PLEKHA8: variants seen among roughly 807,000 people sequenced by gnomAD.
The protein encoded by PLEKHA8 is pleckstrin homology domain containing A8.
In PLEKHA8, 36 loss-of-function variants were observed where a neutral mutation model predicts 68.2. The ratio of observed to expected loss-of-function variants is 0.53; its 90% CI spans 0.40 to 0.70. The LOEUF (loss-of-function observed/expected upper bound fraction) is 0.70. Ranked by LOEUF, PLEKHA8 falls within the 30% of genes least tolerant of loss-of-function variation. The pLI is 0.00. For synonymous variants in PLEKHA8, 211 were observed against 216.1 expected (o/e 0.98, Z 0.20); for missense variants, 505 against 615.4 (o/e 0.82, Z 1.90).
Position 30,078,988 on chromosome 7 carries a change from G to T in PLEKHA8, c.*201G>T. The T allele has an allele frequency of 7.4e-7, 1 of 1,348,448 alleles. No individual in the cohort carries two copies. The allele number at this position is 1,348,448 out of a possible 1,614,324, so 83.5% of individuals were successfully genotyped here. A position where few individuals can be genotyped will look rare whatever the true frequency, so the allele number is the denominator to read the frequency against. ...AAAGATCAAGGTGCTATATATTTCA[G>T]TTCAGCAGGCCTACTGGAAACCAAA... On this transcript the variant is annotated 3_prime_UTR_variant, in exon 14 of 14. Transcript: ENST00000449726.
Position 30,126,863 on chromosome 7 carries a change from T to G in PLEKHA8, c.1363-2403T>G, listed in dbSNP as rs189312360. Among the ~76,000 whole-genome samples the G allele has an allele frequency of 2.3e-3, 353 of 152,306 alleles. 2 individuals are homozygous for G. The highest frequency in any genetic ancestry group is 8.2e-3 in the African/African-American group (340 of 41,562). Reference sequence around the variant, plus strand: ...GGAAAGACTCGCCCCCATGTTTCAATTATCTTCTACTAGGTCCCTCCCACA... The same window carrying G: ...GGAAAGACTCGCCCCCATGTTTCAAGTATCTTCTACTAGGTCCCTCCCACA... On this transcript the variant is annotated intron_variant, in intron 13 of 13. Coordinates refer to the PLEKHA8 transcript ENST00000396257.
chr7:30,066,220 A>C (rs932964017), intron 12 of PLEKHA8, among the ~76,000 whole-genome samples: 1 of 152,224 alleles, frequency 6.6e-6, no homozygotes, highest in Non-Finnish European at 1.5e-5. Flanking sequence ...TGCTTAAGTA[A>C]GGTTTGAGGT....
chr7:30,072,029 T>TG (rs1405550314), intron 12 of PLEKHA8: 1 of 152,258 alleles, frequency 6.6e-6, no homozygotes, highest in Non-Finnish European at 1.5e-5. Flanking sequence ...ATTTCCCTGA[T>TG]GCCATGTCTT....
At chr7:30,045,933 T>G (rs1225600446) in intron 2 of PLEKHA8, among the ~76,000 whole-genome samples, 2 of 152,222 alleles carry the variant, frequency 1.3e-5, no homozygotes, top group Non-Finnish European at 2.9e-5. Flanking sequence ...AAGAGATCAG[T>G]TTAACTGAAA....
chr7:30,082,165 C>T lies in PLEKHA8; in HGVS notation c.*3378C>T. On this transcript the variant is annotated 3_prime_UTR_variant, in exon 14 of 14. Transcript: ENST00000449726. ...TATAAGTAGTGGCTTGAGGCACCTT[C>T]TTATCATTTTTTGCATGTTATTCTG... is the stretch of plus-strand genomic sequence containing the variant. The T allele has an allele frequency of 1.4e-5, 14 of 985,340 alleles. No homozygotes were observed. Among genetic ancestry groups the T allele is most frequent in the Non-Finnish European group, 1.7e-5 (14 of 829,898 alleles). The allele number at this position is 985,340 out of a possible 1,614,324, so 61.0% of individuals were successfully genotyped here. A position where few individuals can be genotyped will look rare whatever the true frequency, so the allele number is the denominator to read the frequency against.
rs974888373 is a variant in PLEKHA8 at position 30,116,324 on chromosome 7, ATG to A, written c.1363-12936_1363-12935del. Among the ~76,000 whole-genome samples the A allele has an allele frequency of 2.6e-5, 4 of 151,226 alleles. No individual in the cohort carries two copies. The South Asian group carries it at 6.3e-4, about 24-fold the overall frequency. On this transcript the variant is annotated intron_variant, in intron 13 of 13. Transcript: ENST00000396257. ...CATGTATACATATATACATACACAT[ATG>A]TGTGTATGTATATATGTACTATATA...
At position 30,080,205 on chromosome 7, in the gene PLEKHA8, A is replaced by G. The variant is rs558273857; in HGVS notation, c.*1418A>G. On this transcript the variant is annotated 3_prime_UTR_variant, in exon 14 of 14. Transcript: ENST00000449726. ...AGTTTCTTAAACTTCTTAAAACTTA[A>G]GAAACATTGTTTCATAAAACAATAT... The G allele has an allele frequency of 6.1e-6, 6 of 985,410 alleles. No homozygotes were observed. The South Asian group carries it at 2.8e-4, about 46-fold the overall frequency. The allele number at this position is 985,410 out of a possible 1,614,324, so 61.0% of individuals were successfully genotyped here. A position where few individuals can be genotyped will look rare whatever the true frequency, so the allele number is the denominator to read the frequency against.
intron 1 of PLEKHA8, among the ~76,000 whole-genome samples, chr7:30,041,416 T>A (rs1458810590): frequency 1.6e-5 from 2 of 126,908 alleles, no homozygotes; most frequent in African/African-American, 5.6e-5. Flanking sequence ...ATTTACCAGC[T>A]ACATTTTTTT....
chr7:30,105,819 A>T (rs1344984205), intron 13 of PLEKHA8, among the ~76,000 whole-genome samples: 1 of 152,204 alleles, frequency 6.6e-6, no homozygotes, highest in Non-Finnish European at 1.5e-5. Context: ...AACTATAGAT[A>T]CATTGGTTAT....
At chr7:30,104,497 A>G (rs1251279595) in intron 13 of PLEKHA8, among the ~76,000 whole-genome samples, 4 of 152,224 alleles carry the variant, frequency 2.6e-5, no homozygotes, top group African/African-American at 9.6e-5. Context: ...CAGCAATAAC[A>G]AGGAGAAAAC....
At position 30,030,871 on chromosome 7, in the gene PLEKHA8, C is replaced by T. The variant is rs114807065; in HGVS notation, c.40+2069C>T. Among the ~76,000 whole-genome samples the T allele has an allele frequency of 7.6e-3, 1,151 of 152,294 alleles. 21 individuals are homozygous for T. Among genetic ancestry groups the T allele is most frequent in the African/African-American group, 0.026 (1,074 of 41,552 alleles). ...TTGTGTTAGTGACAAGTTACTTTTT[C>T]TTTTTCTGAAGCTTGTTTTAAAAAG... On this transcript the variant is annotated intron_variant, in intron 1 of 13. Transcript: ENST00000449726.
chr7:30,102,352 A>C (rs944890920), intron 13 of PLEKHA8, among the ~76,000 whole-genome samples: 2 of 152,248 alleles, frequency 1.3e-5, no homozygotes, highest in African/African-American at 4.8e-5. Flanking sequence ...ACTGCTGTGG[A>C]AGCACTTTAA....
Position 30,082,783 on chromosome 7 carries a change from A to G in PLEKHA8, c.*3996A>G. 1 of 985,356 alleles carries G rather than the reference A, an allele frequency of 1.0e-6. No homozygotes were observed. Among genetic ancestry groups the G allele is most frequent in the Non-Finnish European group, 1.2e-6 (1 of 829,880 alleles). The allele number at this position is 985,356 out of a possible 1,614,324, so 61.0% of individuals were successfully genotyped here. On this transcript the variant is annotated 3_prime_UTR_variant, in exon 14 of 14. Coordinates refer to ENST00000449726, the MANE Select transcript of PLEKHA8 (RefSeq NM_001197026.2). ...AAGGAAACTTAATCTGATTGTGAAA[A>G]TCATACATATGGAGAAACATCAGAT...
intron 1 of PLEKHA8, among the ~76,000 whole-genome samples, chr7:30,042,129 T>C (rs1791590075): frequency 6.6e-6 from 1 of 152,198 alleles, no homozygotes; most frequent in Admixed American, 6.5e-5. Context: ...GCGACTGCCT[T>C]GAGCTGAGAC....
At chr7:30,097,593 A>T (rs1193850840) in intron 13 of PLEKHA8, among the ~76,000 whole-genome samples, 1 of 152,016 alleles carries the variant, frequency 6.6e-6, no homozygotes, top group Non-Finnish European at 1.5e-5. Context: ...TCCATTGCTG[A>T]TACCCTTTCT....
At chr7:30,065,804 G>A (rs1241232018) in intron 12 of PLEKHA8, among the ~76,000 whole-genome samples, 1 of 152,190 alleles carries the variant, frequency 6.6e-6, no homozygotes, top group Non-Finnish European at 1.5e-5. Context: ...ATAAACTGAG[G>A]TTTAAAGAGG....
intron 13 of PLEKHA8, among the ~76,000 whole-genome samples, chr7:30,126,672 T>G (rs139921636): frequency 0.011 from 1,681 of 152,296 alleles, 33 homozygotes; most frequent in African/African-American, 0.039. Context: ...AGAGGTTTGA[T>G]GGACTCACAG....
At chr7:30,098,136 C>T (rs980712291) in intron 13 of PLEKHA8, among the ~76,000 whole-genome samples, 1 of 152,234 alleles carries the variant, frequency 6.6e-6, no homozygotes, top group African/African-American at 2.4e-5. Flanking sequence ...GGCTGCAGAA[C>T]TGCAGATATT....
At chr7:30,100,768 A>C (rs1384545310) in intron 13 of PLEKHA8, among the ~76,000 whole-genome samples, 1 of 152,224 alleles carries the variant, frequency 6.6e-6, no homozygotes, top group Non-Finnish European at 1.5e-5. Context: ...AATAAAAGGT[A>C]TACAGATTGA....
Sources: gnomAD v4.1 joint callset for allele counts (sites outside exome capture counted in the v4.1 genomes callset) on GRCh38, gnomAD v4.1.1 for gene constraint, MANE v1.5 for transcripts, NCBI Gene and HGNC (gene_info 2026-07-23, HGNC 2026-07-21) for gene names.